Variants in RPS6KC1 observed in about 807,000 individuals in gnomAD.
RPS6KC1 encodes ribosomal protein S6 kinase C1.
A neutral mutation model predicts 103.8 loss-of-function variants in RPS6KC1; 54 were observed. The ratio of observed to expected loss-of-function variants is 0.52; its 90% CI spans 0.42 to 0.65. RPS6KC1 has a LOEUF of 0.65. Among genes scored for constraint, RPS6KC1 ranks in the 30% least tolerant of loss-of-function variants. RPS6KC1 has a pLI of 0.00. For missense variants in RPS6KC1, 1,151 were observed against 1,253.8 expected (o/e 0.92, Z 1.24); for synonymous variants, 439 against 438.7 (o/e 1.00, Z -0.01).
chr1:213,732,634 A>G, the RPS6KC1 span, among the ~76,000 whole-genome samples: 2 of 152,092 alleles, frequency 1.3e-5, no homozygotes, highest in South Asian at 2.1e-4. Flanking sequence ...CCGGATCCCT[A>G]TGACACTGTG....
the RPS6KC1 span, among the ~76,000 whole-genome samples, chr1:213,510,845 C>A: frequency 6.6e-6 from 1 of 152,156 alleles, no homozygotes; most frequent in African/African-American, 2.4e-5. Context: ...GGTGGGGAGG[C>A]CTTTTTACTT....
intron 8 of RPS6KC1, among the ~76,000 whole-genome samples, chr1:213,229,286 C>T (rs1409450633): frequency 2.6e-5 from 4 of 152,092 alleles, no homozygotes; most frequent in African/African-American, 9.7e-5. Flanking sequence ...CTTGTTTCTT[C>T]TCACCTTTTA....
At chr1:213,415,275 A>G in the RPS6KC1 span, among the ~76,000 whole-genome samples, 6 of 152,224 alleles carry the variant, frequency 3.9e-5, no homozygotes, top group Admixed American at 6.5e-5. Context: ...ATTATTACCA[A>G]TGATCACATG....
chr1:213,608,135 G>C, the RPS6KC1 span, among the ~76,000 whole-genome samples: 1 of 152,170 alleles, frequency 6.6e-6, no homozygotes, highest in Non-Finnish European at 1.5e-5. Flanking sequence ...GTAGGTGTTT[G>C]GGTGAAGTAA....
At chr1:213,682,422 G>T in the RPS6KC1 span, among the ~76,000 whole-genome samples, 5 of 152,190 alleles carry the variant, frequency 3.3e-5, no homozygotes, top group African/African-American at 7.2e-5. Context: ...TGCCTGCAGG[G>T]AACTCACAGT....
At position 213,067,425 on chromosome 1, in the gene RPS6KC1, T is replaced by C. The variant is rs904284901; in HGVS notation, c.106-3581T>C. 2.0e-5 allele frequency among the ~76,000 whole-genome samples: 3 copies of C among 152,262 alleles called. No individual in the cohort carries two copies. The East Asian group carries it at 5.8e-4, about 29-fold the overall frequency. On this transcript the variant is annotated intron_variant, in intron 1 of 14. Transcript: ENST00000366960. ...AGTTTCCATGTTTATCCAAAAAAAC[T>C]GTCCGTGGGACCATTGGGTCAGTTT...
At chr1:213,651,570 C>T in the RPS6KC1 span, among the ~76,000 whole-genome samples, 1 of 152,096 alleles carries the variant, frequency 6.6e-6, no homozygotes, top group African/African-American at 2.4e-5. Flanking sequence ...TTCACAACAA[C>T]CCTAAAAGAA....
intron 4 of RPS6KC1, among the ~76,000 whole-genome samples, chr1:213,115,123 G>A (rs2083445578): frequency 6.6e-6 from 1 of 152,198 alleles, no homozygotes; most frequent in Non-Finnish European, 1.5e-5. Flanking sequence ...GTTTCAGAAG[G>A]AATAGTACCA....
chr1:213,404,873 C>G, the RPS6KC1 span, among the ~76,000 whole-genome samples: 1 of 152,190 alleles, frequency 6.6e-6, no homozygotes, highest in Non-Finnish European at 1.5e-5. Flanking sequence ...AATTCAGTTC[C>G]TTTTAAGCCA....
chr1:213,239,693 CATT>C (rs764454340), intron 10 of RPS6KC1, among the ~76,000 whole-genome samples: 3 of 152,214 alleles, frequency 2.0e-5, no homozygotes, highest in Non-Finnish European at 4.4e-5. Flanking sequence ...ATTTTTAACA[CATT>C]ATTCTTAATT....
chr1:213,121,248 T>A (rs1442192646), intron 5 of RPS6KC1, among the ~76,000 whole-genome samples: 1 of 152,204 alleles, frequency 6.6e-6, no homozygotes, highest in African/African-American at 2.4e-5. Flanking sequence ...TTTTTAAAAT[T>A]ACAGTTACTT....
chr1:213,160,115 CTCTTATGAAG>C (rs1464060614), intron 6 of RPS6KC1, among the ~76,000 whole-genome samples: 5 of 152,148 alleles, frequency 3.3e-5, no homozygotes, highest in African/African-American at 1.2e-4. Context: ...TATTTGTTCT[CTCTTATGAAG>C]TATTAAAACT....
intron 8 of RPS6KC1, among the ~76,000 whole-genome samples, chr1:213,217,360 T>G (rs1558560226): frequency 6.6e-6 from 1 of 152,172 alleles, no homozygotes; most frequent in Non-Finnish European, 1.5e-5. Context: ...TAACAGGCTC[T>G]GAAATTGAGG....
the RPS6KC1 span, among the ~76,000 whole-genome samples, chr1:213,289,090 C>T: frequency 6.6e-6 from 1 of 152,088 alleles, no homozygotes; most frequent in Non-Finnish European, 1.5e-5. Context: ...GCCACAACCA[C>T]AGGGCCACTG....
At chr1:213,195,242 A>G (rs1321259581) in intron 8 of RPS6KC1, among the ~76,000 whole-genome samples, 1 of 152,216 alleles carries the variant, frequency 6.6e-6, no homozygotes, top group African/African-American at 2.4e-5. Flanking sequence ...TATACAATTG[A>G]TAAGATGACA....
chr1:213,838,911 A>G, the RPS6KC1 span, among the ~76,000 whole-genome samples: 16 of 152,230 alleles, frequency 1.1e-4, no homozygotes, highest in Non-Finnish European at 2.4e-4. Flanking sequence ...TTAAAGCAGA[A>G]GATTTATTGG....
chr1:213,462,381 C>T, the RPS6KC1 span, among the ~76,000 whole-genome samples: 4 of 152,208 alleles, frequency 2.6e-5, no homozygotes, highest in African/African-American at 7.2e-5. Flanking sequence ...CCAGAAATAC[C>T]GTTTGACCCA....
chr1:213,676,604 G>A, the RPS6KC1 span, among the ~76,000 whole-genome samples: 1 of 152,174 alleles, frequency 6.6e-6, no homozygotes. Flanking sequence ...CCCTCAGTCA[G>A]CTGTTCACAT....
the RPS6KC1 span, among the ~76,000 whole-genome samples, chr1:213,468,803 A>G: frequency 1.3e-5 from 2 of 152,304 alleles, no homozygotes; most frequent in South Asian, 4.1e-4. Context: ...TGCCTATTCA[A>G]TCTCATCTGC....
Sources: gnomAD v4.1 joint callset for allele counts (sites outside exome capture counted in the v4.1 genomes callset) on GRCh38, gnomAD v4.1.1 for gene constraint, MANE v1.5 for transcripts, NCBI Gene and HGNC (gene_info 2026-07-23, HGNC 2026-07-21) for gene names.